RAB33A: variants seen among roughly 807,000 people sequenced by gnomAD.
RAB33A encodes the protein RAB33A, member RAS oncogene family, also known as ras-related protein Rab-33A.
Under a neutral mutation model 12.0 loss-of-function variants are expected in RAB33A, and 6 were observed. The observed-to-expected ratio is 0.50, with a 90% CI of 0.27 to 0.99. The LOEUF (loss-of-function observed/expected upper bound fraction) is 0.99. Ranked by LOEUF, RAB33A falls within the 50% of genes least tolerant of loss-of-function variation. The pLI is 0.11. For missense variants in RAB33A, 109 were observed against 192.0 expected (o/e 0.57, Z 2.55); for synonymous variants, 70 against 82.4 (o/e 0.85, Z 0.81).
the RAB33A span, among the ~76,000 whole-genome samples, chrX:130,128,598 T>C: frequency 8.9e-6 from 1 of 112,366 alleles, no homozygotes; most frequent in Non-Finnish European, 1.9e-5. Flanking sequence ...AGATTTGATT[T>C]TTAAAAGTTA....
chrX:130,159,160 C>T, the RAB33A span, among the ~76,000 whole-genome samples: 1 of 111,999 alleles, frequency 8.9e-6, no homozygotes, highest in South Asian at 3.7e-4. Flanking sequence ...AAAGTAGCCT[C>T]TCTCCAGTTC....
chrX:130,138,195 G>A, the RAB33A span, among the ~76,000 whole-genome samples: 1 of 111,732 alleles, frequency 8.9e-6, no homozygotes, highest in African/African-American at 3.3e-5. Flanking sequence ...GCTGGGTGTG[G>A]TGGCTCACGC....
At chrX:130,130,299 T>TAGA in the RAB33A span, 1 of 737,771 alleles carries the variant, frequency 1.4e-6, no homozygotes, top group Non-Finnish European at 2.0e-6. Context: ...TTTATTTCTC[T>TAGA]ATGCCCCCTC....
chrX:130,150,941 G>GCAC, the RAB33A span, among the ~76,000 whole-genome samples: 10 of 86,802 alleles, frequency 1.2e-4, no homozygotes, highest in African/African-American at 4.4e-4. Flanking sequence ...TCACATCACT[G>GCAC]CACTCCAGCC....
chrX:130,116,099 C>CTTTT, the RAB33A span, among the ~76,000 whole-genome samples: 3 of 63,042 alleles, frequency 4.8e-5, no homozygotes, highest in Non-Finnish European at 8.2e-5. Context: ...ACCCCAGGTC[C>CTTTT]TTTTTTTTTT....
chrX:130,165,541 G>A, the RAB33A span: 4 of 1,180,234 alleles, frequency 3.4e-6, no homozygotes, highest in Non-Finnish European at 4.6e-6. Flanking sequence ...GCCTGGAATG[G>A]GTCAGTCACC....
chrX:130,123,700 CAAAAAAA>C, the RAB33A span, among the ~76,000 whole-genome samples: 2 of 39,852 alleles, frequency 5.0e-5, no homozygotes, highest in Admixed American at 4.8e-4. Flanking sequence ...GACTCTGTCT[CAAAAAAA>C]AAAAAAAAAA....
chrX:130,150,977 C>CAAAAAAAAAAAAAA, the RAB33A span, among the ~76,000 whole-genome samples: 26 of 27,773 alleles, frequency 9.4e-4, no homozygotes, highest in African/African-American at 1.8e-3. Flanking sequence ...GACTCTGTCT[C>CAAAAAAAAAAAAAA]AAAAAAAAAA....
chrX:130,114,219 C>T, the RAB33A span, among the ~76,000 whole-genome samples: 13 of 112,252 alleles, frequency 1.2e-4, no homozygotes, highest in Non-Finnish European at 2.4e-4. Flanking sequence ...GGCCCTAATG[C>T]CTGCCAGCGC....
the RAB33A span, chrX:130,145,552 G>T: frequency 8.3e-7 from 1 of 1,204,106 alleles, no homozygotes; most frequent in Admixed American, 2.2e-5. Flanking sequence ...ATAGAAAGAA[G>T]GTGGCTGGAA....
the RAB33A span, chrX:130,165,818 C>T: frequency 1.9e-6 from 1 of 520,082 alleles, no homozygotes; most frequent in Non-Finnish European, 3.4e-6. Context: ...AGAAGCCGGC[C>T]TGCTAGAGCC....
In RAB33A at chrX:130,174,477, T is replaced by A. The variant is rs2031643382; in HGVS notation, c.258+2157T>A. On this transcript the variant is annotated intron_variant, in intron 1 of 1. Coordinates refer to ENST00000257017, the MANE Select transcript of RAB33A (RefSeq NM_004794.3). ...ATGTCTGTGGGAAGATGGCAGAGCC[T>A]GGCGGCTAGCACGTGATCTAGATAA... Among the ~76,000 whole-genome samples, 3 of 112,181 alleles carry A rather than the reference T, an allele frequency of 2.7e-5. No individual in the cohort carries two copies. The Admixed American group carries it at 2.8e-4, about 11-fold the overall frequency.
Position 130,180,379 on chromosome X carries a change from C to T in RAB33A, c.259-3906C>T, listed in dbSNP as rs778988050. Among the ~76,000 whole-genome samples, 8 of 112,467 alleles carry T rather than the reference C, an allele frequency of 7.1e-5. 1 individual carries two copies. In the Admixed American group the frequency reaches 7.5e-4, roughly 11 times the overall value. ...CTTTCAGGGGCTGAGGCAGGTGGAT[C>T]GGCAGTGATTGGGCCTCCCAACATG... is the stretch of plus-strand genomic sequence containing the variant. On this transcript the variant is annotated intron_variant, in intron 1 of 1. Coordinates refer to ENST00000257017, the MANE Select transcript of RAB33A (RefSeq NM_004794.3).
chrX:130,169,761 T>C (rs1401882665), upstream of RAB33A, among the ~76,000 whole-genome samples: 2 of 112,421 alleles, frequency 1.8e-5, no homozygotes, highest in African/African-American at 6.5e-5. Context: ...AATAATCTTA[T>C]TATGTACATA....
At chrX:130,160,590 A>C in the RAB33A span, among the ~76,000 whole-genome samples, 2 of 111,888 alleles carry the variant, frequency 1.8e-5, no homozygotes, top group African/African-American at 6.5e-5. Flanking sequence ...TTACTATTAA[A>C]ATTTTTTTTA....
chrX:130,147,646 G>A, the RAB33A span: 3 of 1,211,434 alleles, frequency 2.5e-6, no homozygotes, highest in Admixed American at 2.2e-5. Context: ...AAATCATGAC[G>A]CTTATCAGAG....
At chrX:130,149,618 T>G in the RAB33A span, 2 of 849,516 alleles carry the variant, frequency 2.4e-6, no homozygotes, top group Non-Finnish European at 3.5e-6. Flanking sequence ...AGCTAGCTCA[T>G]ACTGTAAGTA....
chrX:130,129,713 T>A, the RAB33A span: 1 of 908,174 alleles, frequency 1.1e-6, no homozygotes, highest in East Asian at 3.1e-5. Context: ...CCTGGGGCAG[T>A]CCCCATATCA....
At chrX:130,126,528 G>A in the RAB33A span, among the ~76,000 whole-genome samples, 1 of 110,593 alleles carries the variant, frequency 9.0e-6, no homozygotes, top group Admixed American at 9.6e-5. Context: ...AAAGAATTTG[G>A]ACCCCAGGAT....
Sources: gnomAD v4.1 joint callset for allele counts (sites outside exome capture counted in the v4.1 genomes callset) on GRCh38, gnomAD v4.1.1 for gene constraint, MANE v1.5 for transcripts, NCBI Gene and HGNC (gene_info 2026-07-23, HGNC 2026-07-21) for gene names.